MYO10: variants seen among roughly 807,000 people sequenced by gnomAD.
MYO10 encodes unconventional myosin-X.
MYO10 carries 133 observed loss-of-function variants against 257.3 expected under a neutral mutation model. That is an observed-to-expected ratio of 0.52 (90% CI 0.45 to 0.60). The LOEUF is 0.60. Among genes scored for constraint, MYO10 ranks in the 20% least tolerant of loss-of-function variants. The probability of loss-of-function intolerance (pLI) is 0.00; values close to 1 mark genes in which losing one functional copy is unlikely to be tolerated. For missense variants in MYO10, 2,399 were observed against 2,635.7 expected, an observed-to-expected ratio of 0.91 and a Z score of 1.97; for synonymous variants, 1,104 against 1,028.6, an observed-to-expected ratio of 1.07 and a Z score of -1.40.
chr5:16,880,439 A>G (rs1289603074), intron 1 of MYO10, among the ~76,000 whole-genome samples: 1 of 151,900 alleles, frequency 6.6e-6, no homozygotes, highest in Non-Finnish European at 1.5e-5. Flanking sequence ...AGTATCCCCT[A>G]TTGTGACCTT....
intron 19 of MYO10, 138 bp downstream of exon 19, chr5:16,754,690 T>G: frequency 2.1e-6 from 1 of 483,746 alleles, no homozygotes; most frequent in Admixed American, 3.9e-5. Flanking sequence ...TCATTTCATG[T>G]CAAGTTATAA....
chr5:16,934,218 C>T (rs959223842), intron 1 of MYO10, among the ~76,000 whole-genome samples: 2 of 152,258 alleles, frequency 1.3e-5, no homozygotes, highest in African/African-American at 4.8e-5. Flanking sequence ...CCTGATGTTC[C>T]CCCCACTTGC....
chr5:16,673,379 C>A (rs1477320175), intron 36 of MYO10, among the ~76,000 whole-genome samples: 1 of 152,138 alleles, frequency 6.6e-6, no homozygotes, highest in Admixed American at 6.5e-5. Context: ...CTGCAATAAA[C>A]CCTCATCAAA....
chr5:16,706,262 T>C (rs1007787745), intron 21 of MYO10, among the ~76,000 whole-genome samples: 1 of 149,848 alleles, frequency 6.7e-6, no homozygotes, highest in East Asian at 1.9e-4. Context: ...CATATACTCA[T>C]ATATACACAT....
intron 9 of MYO10, among the ~76,000 whole-genome samples, chr5:16,770,931 G>C (rs566664166): frequency 6.6e-6 from 1 of 152,140 alleles, no homozygotes; most frequent in South Asian, 2.1e-4. Context: ...ACCACGCCTG[G>C]CTAATTTTGT....
At chr5:16,822,586 G>C (rs536784246) in intron 2 of MYO10, among the ~76,000 whole-genome samples, 2 of 152,254 alleles carry the variant, frequency 1.3e-5, no homozygotes, top group East Asian at 3.9e-4. Flanking sequence ...AAGGAGGTGA[G>C]AAACAGAACC....
intron 3 of MYO10, among the ~76,000 whole-genome samples, chr5:16,809,808 GACAA>G (rs1439417402): frequency 2.6e-5 from 4 of 152,274 alleles, no homozygotes; most frequent in South Asian, 2.1e-4. Context: ...TGTTCGGCAA[GACAA>G]ACAAACTAAC....
chr5:16,666,856 C>T, intron 40 of MYO10, 63 bp from the exon 41 acceptor site: 3 of 1,343,258 alleles, frequency 2.2e-6, no homozygotes, highest in Non-Finnish European at 3.1e-6. Context: ...AGGGCCCTGC[C>T]TAATAATCCA....
intron 11 of MYO10, 27 bp downstream of exon 11, chr5:16,766,053 C>T: frequency 1.3e-6 from 2 of 1,542,292 alleles, no homozygotes; most frequent in Non-Finnish European, 1.8e-6. Context: ...TCTAGTAACG[C>T]AAGATCAGAT....
chr5:16,725,065 T>C (rs1465419358), intron 19 of MYO10, among the ~76,000 whole-genome samples: 2 of 145,520 alleles, frequency 1.4e-5, no homozygotes, highest in African/African-American at 2.5e-5. Context: ...TACAGTTCTC[T>C]CACCTTCTTC....
chr5:16,782,890 G>A (rs1741463796), intron 5 of MYO10, among the ~76,000 whole-genome samples: 1 of 152,134 alleles, frequency 6.6e-6, no homozygotes, highest in Non-Finnish European at 1.5e-5. Flanking sequence ...TCCAAGCGGT[G>A]GATGCTGACC....
intron 10 of MYO10, among the ~76,000 whole-genome samples, chr5:16,766,765 ACTTT>A (rs1261169336): frequency 8.3e-6 from 1 of 119,920 alleles, no homozygotes; most frequent in Non-Finnish European, 1.7e-5. Context: ...ATGCCCACCT[ACTTT>A]CTTTTTTTTT....
chr5:16,685,699 C>A, intron 29 of MYO10, 39 bp downstream of exon 29: 4 of 1,403,948 alleles, frequency 2.8e-6, no homozygotes, highest in Non-Finnish European at 3.9e-6. Context: ...GTCCCTGCCC[C>A]TAGACGCCCC....
chr5:16,834,253 T>A lies in MYO10; in HGVS notation c.121-16086A>T, dbSNP rs533704885. ...CTCTCAGGTCACTTACATTCTATTG[T>A]AACCTCGGTTTTCTTACCCCTGCCT... On this transcript the variant is annotated intron_variant, in intron 2 of 40. Coordinates refer to ENST00000513610, the MANE Select transcript of MYO10 (RefSeq NM_012334.3). Among the ~76,000 whole-genome samples, 197 of 152,282 alleles carry A rather than the reference T, an allele frequency of 1.3e-3. 3 individuals are homozygous for A. Among genetic ancestry groups the A allele is most frequent in the African/African-American group, 4.5e-3 (188 of 41,560 alleles).
intron 2 of MYO10, among the ~76,000 whole-genome samples, chr5:16,838,197 CTGAG>C (rs1165591241): frequency 6.6e-6 from 1 of 152,200 alleles, no homozygotes; most frequent in African/African-American, 2.4e-5. Context: ...AATGACGCAG[CTGAG>C]TGAGGAAGGC....
chr5:16,786,066 C>CT (rs1446762590), intron 4 of MYO10, among the ~76,000 whole-genome samples: 3 of 150,950 alleles, frequency 2.0e-5, no homozygotes, highest in African/African-American at 7.3e-5. Flanking sequence ...GATGGTACAT[C>CT]TCCCAAGCAA....
At chr5:16,923,696 T>A (rs249119) in intron 1 of MYO10, among the ~76,000 whole-genome samples, 45,182 of 142,532 alleles carry the variant, frequency 0.32, 7,340 homozygotes, top group East Asian at 0.51. Flanking sequence ...ACACACACAC[T>A]CCCTAACATC....
At position 16,674,876 on chromosome 5, in the gene MYO10, C is replaced by T; in HGVS notation, c.4941G>A (p.Lys1647=). Residue 1647 remains lysine, a synonymous_variant, in exon 35 of 41, where the codon AAG becomes AAA. Transcript: ENST00000513610. ...CTFLPSRGIL[K]YLKFHLKRIR... is the part of the protein sequence containing the mutation. ...ACCTTTTCAGATGGAACTTGAGATA[C>T]TTGAGAATCCCTCGACTCGGCAGGA... 8.1e-6 allele frequency: 13 copies of T among 1,613,960 alleles called. No homozygotes were observed. The highest frequency in any genetic ancestry group is 9.3e-6 in the Non-Finnish European group (11 of 1,179,886).
rs771322338 is a variant in MYO10, at chr5:16,710,924, T to C, written c.2153A>G (p.Gln718Arg). The change falls in exon 21 of 41, where the codon CAG becomes CGG. Residue 718 changes from glutamine (Q) to arginine (R), a missense_variant. By Grantham distance (43) the Gln-to-Arg change is conservative. Transcript: ENST00000513610. ...GCATCGTACCTTGGTCTTCCCCAGCTGCCACTCGCTGTTGGAGGCATCATA... is the reference window on the plus strand; with the variant it reads ...GCATCGTACCTTGGTCTTCCCCAGCCGCCACTCGCTGTTGGAGGCATCATA... ...QLYDASNSEW[Q>R]LGKTKVFLRE... 2 of 1,613,556 alleles carry C rather than the reference T, an allele frequency of 1.2e-6. No individual in the cohort carries two copies. The highest frequency in any genetic ancestry group is 2.7e-5 in the African/African-American group (2 of 74,904).
Sources: gnomAD v4.1 joint callset for allele counts (sites outside exome capture counted in the v4.1 genomes callset) on GRCh38, gnomAD v4.1.1 for gene constraint, MANE v1.5 for transcripts, NCBI Gene and HGNC (gene_info 2026-07-23, HGNC 2026-07-21) for gene names.